The following TASP1 variants were observed in gnomAD, a reference collection of about 807,000 sequenced individuals.
TASP1 encodes threonine aspartase 1.
A neutral mutation model predicts 56.6 loss-of-function variants in TASP1; 16 were observed. That is an observed-to-expected ratio of 0.28 (90% confidence interval 0.19 to 0.43). The LOEUF is 0.43. Among genes scored for constraint, TASP1 ranks in the 20% least tolerant of loss-of-function variants. The probability of loss-of-function intolerance (pLI) is 1.00; values close to 1 mark genes in which losing one functional copy is unlikely to be tolerated. For synonymous variants in TASP1, 179 were observed against 184.2 expected, an observed-to-expected ratio of 0.97 and a Z score of 0.23; for missense variants, 393 against 511.6, an observed-to-expected ratio of 0.77 and a Z score of 2.24.
the TASP1 span, among the ~76,000 whole-genome samples, chr20:13,201,880 A>G: frequency 6.6e-6 from 1 of 151,162 alleles, no homozygotes; most frequent in African/African-American, 2.4e-5. Context: ...CAGCCTCCCT[A>G]GTAGCTGGTA....
At chr20:13,583,028 C>T (rs1172325016) in intron 5 of TASP1, among the ~76,000 whole-genome samples, 5 of 152,200 alleles carry the variant, frequency 3.3e-5, no homozygotes, top group Admixed American at 6.5e-5. Context: ...TTGAACACCA[C>T]GTTTTCTCCA....
the TASP1 span, among the ~76,000 whole-genome samples, chr20:13,213,295 GC>G: frequency 1.3e-3 from 200 of 152,076 alleles, no homozygotes; most frequent in East Asian, 0.033. Flanking sequence ...TTTAAAAAAT[GC>G]AACATAAAGC....
chr20:13,241,797 A>C, the TASP1 span, among the ~76,000 whole-genome samples: 3 of 152,136 alleles, frequency 2.0e-5, no homozygotes, highest in African/African-American at 7.2e-5. Flanking sequence ...AAATAAAGCA[A>C]GTTTGTCAAG....
At chr20:13,569,398 A>G (rs887516341) in intron 7 of TASP1, 109 bp downstream of exon 7, 6 of 774,348 alleles carry the variant, frequency 7.7e-6, no homozygotes, top group East Asian at 2.8e-5. Flanking sequence ...CTTTCAACAT[A>G]TAAGTATTCT....
At chr20:13,372,093 G>T in the TASP1 span, among the ~76,000 whole-genome samples, 334 of 152,162 alleles carry the variant, frequency 2.2e-3, 1 homozygote, top group African/African-American at 7.8e-3. Flanking sequence ...TTTCAGTCTC[G>T]TCTGATACCC....
chr20:13,416,149 A>G (rs1461182812), intron 13 of TASP1, among the ~76,000 whole-genome samples: 1 of 152,226 alleles, frequency 6.6e-6, no homozygotes, highest in Non-Finnish European at 1.5e-5. Context: ...AGTGCTCAAT[A>G]ACCACATGTG....
At chr20:13,360,555 A>G in the TASP1 span, among the ~76,000 whole-genome samples, 3 of 152,062 alleles carry the variant, frequency 2.0e-5, no homozygotes, top group African/African-American at 4.8e-5. Flanking sequence ...CTGTCCAAAC[A>G]ACTTGACCTT....
chr20:13,353,962 C>A, the TASP1 span, among the ~76,000 whole-genome samples: 1 of 151,950 alleles, frequency 6.6e-6, no homozygotes, highest in Non-Finnish European at 1.5e-5. Flanking sequence ...AAGAAAACTT[C>A]AAAAAGTCTC....
At chr20:13,178,378 A>G in the TASP1 span, among the ~76,000 whole-genome samples, 12 of 152,136 alleles carry the variant, frequency 7.9e-5, no homozygotes, top group African/African-American at 2.9e-4. Flanking sequence ...TAGAACTAAC[A>G]TAAAAGGAAT....
At chr20:13,135,961 G>A in the TASP1 span, among the ~76,000 whole-genome samples, 28 of 152,190 alleles carry the variant, frequency 1.8e-4, no homozygotes, top group African/African-American at 6.3e-4. Flanking sequence ...GACCAGTAAT[G>A]TCGGAAAGGG....
chr20:13,427,848 A>G (rs2042670952), intron 12 of TASP1, among the ~76,000 whole-genome samples: 1 of 152,236 alleles, frequency 6.6e-6, no homozygotes, highest in South Asian at 2.1e-4. Flanking sequence ...TGGAAGCAGG[A>G]TCATGTACAA....
chr20:13,477,153 C>G (rs957748726), intron 11 of TASP1, among the ~76,000 whole-genome samples: 1 of 152,028 alleles, frequency 6.6e-6, no homozygotes, highest in Non-Finnish European at 1.5e-5. Flanking sequence ...TTGAATATAA[C>G]TTCTCTATTT....
intron 11 of TASP1, among the ~76,000 whole-genome samples, chr20:13,467,997 C>T (rs752118247): frequency 1.3e-5 from 2 of 151,720 alleles, no homozygotes; most frequent in Non-Finnish European, 2.9e-5. Flanking sequence ...GCCTGAGCAA[C>T]AAAAGTAAAA....
chr20:13,439,810 T>C (rs1323541670), intron 11 of TASP1, among the ~76,000 whole-genome samples: 1 of 151,924 alleles, frequency 6.6e-6, no homozygotes, highest in African/African-American at 2.4e-5. Flanking sequence ...GCCAGAATTA[T>C]CCAATATGTG....
intron 13 of TASP1, among the ~76,000 whole-genome samples, chr20:13,396,606 A>AG (rs1375915738): frequency 6.6e-6 from 1 of 151,888 alleles, no homozygotes; most frequent in African/African-American, 2.4e-5. Flanking sequence ...ATGAATCAAA[A>AG]AAAAGTATTT....
intron 11 of TASP1, among the ~76,000 whole-genome samples, chr20:13,478,522 T>G (rs990855113): frequency 2.6e-5 from 4 of 152,064 alleles, no homozygotes; most frequent in African/African-American, 9.7e-5. Context: ...CTAAATAATG[T>G]GTACACATGG....
chr20:13,229,495 C>T, the TASP1 span, among the ~76,000 whole-genome samples: 27 of 152,328 alleles, frequency 1.8e-4, no homozygotes, highest in East Asian at 4.6e-3. Context: ...TTGTGTGTAT[C>T]AGTAGATTTC....
the TASP1 span, among the ~76,000 whole-genome samples, chr20:13,340,301 T>A: frequency 1.3e-5 from 2 of 152,290 alleles, no homozygotes; most frequent in Middle Eastern, 3.4e-3. Flanking sequence ...CCTGCAGGCA[T>A]CATTGCAACA....
chr20:13,214,056 G>T, the TASP1 span, among the ~76,000 whole-genome samples: 1 of 152,282 alleles, frequency 6.6e-6, no homozygotes, highest in East Asian at 1.9e-4. Context: ...ATCCTGGACA[G>T]AAAAGAGTCG....
Sources: gnomAD v4.1 joint callset for allele counts (sites outside exome capture counted in the v4.1 genomes callset) on GRCh38, gnomAD v4.1.1 for gene constraint, MANE v1.5 for transcripts, NCBI Gene and HGNC (gene_info 2026-07-23, HGNC 2026-07-21) for gene names.